WASL: variants seen among roughly 807,000 people sequenced by gnomAD.
The protein encoded by WASL is actin nucleation-promoting factor WASL.
Under a neutral mutation model 55.5 loss-of-function variants are expected in WASL, and 20 were observed. The ratio of observed to expected loss-of-function variants is 0.36; its 90% CI spans 0.25 to 0.52. The LOEUF (loss-of-function observed/expected upper bound fraction) is 0.52, where lower values mean the gene tolerates loss of function less well. Among genes scored for constraint, WASL ranks in the 20% least tolerant of loss-of-function variants. The pLI, the probability that WASL is intolerant of heterozygous loss-of-function variation, is 0.92. For synonymous variants in WASL, 249 were observed against 217.6 expected (o/e 1.14, Z -1.27); for missense variants, 504 against 622.5 (o/e 0.81, Z 2.03).
intron 1 of WASL, among the ~76,000 whole-genome samples, chr7:123,740,859 T>A (rs1207039582): frequency 1.3e-5 from 2 of 152,184 alleles, no homozygotes; most frequent in Non-Finnish European, 2.9e-5. Flanking sequence ...GCGCTGCGAT[T>A]AAAGGTGTGA....
At chr7:123,746,428 T>C (rs73718476) in intron 1 of WASL, among the ~76,000 whole-genome samples, 3,268 of 152,288 alleles carry the variant, frequency 0.021, 139 homozygotes, top group African/African-American at 0.075. Flanking sequence ...TACTGCTGGA[T>C]TTATTATGAG....
chr7:123,696,819 TTAAA>T lies in WASL; in HGVS notation c.461-76_461-73del, dbSNP rs2116774967. On this transcript the variant is annotated intron_variant, in intron 5 of 10. Transcript: ENST00000223023. The stretch of plus-strand genomic sequence containing the variant: ...CTGATATACAATCATAATTTACAAT[TTAAA>T]TACTTTTTCTGAAATAGGATCACTT... The T allele has an allele frequency of 1.3e-5, 14 of 1,051,740 alleles. No individual in the cohort carries two copies. In the South Asian group the frequency reaches 4.4e-4, roughly 33 times the overall value. The allele number at this position is 1,051,740 out of a possible 1,614,324, so 65.2% of individuals were successfully genotyped here. A position where few individuals can be genotyped will look rare whatever the true frequency, so the allele number is the denominator to read the frequency against.
intron 10 of WASL, among the ~76,000 whole-genome samples, chr7:123,686,495 C>T (rs560923041): frequency 6.6e-6 from 1 of 151,896 alleles, no homozygotes; most frequent in Non-Finnish European, 1.5e-5. Flanking sequence ...CACAGAAATA[C>T]TAACAGTTAA....
intron 1 of WASL, chr7:123,720,291 C>G (rs555320904): frequency 4.7e-6 from 2 of 422,894 alleles, no homozygotes; most frequent in African/African-American, 4.3e-5. Context: ...GAAAAATACA[C>G]ACTCATTAAA....
intron 1 of WASL, among the ~76,000 whole-genome samples, chr7:123,713,497 G>A: frequency 6.6e-6 from 1 of 152,066 alleles, no homozygotes; most frequent in Middle Eastern, 3.2e-3. Flanking sequence ...TAAATGTGGG[G>A]GGAAATCATA....
At chr7:123,685,280 C>T (rs1418837075) in intron 10 of WASL, among the ~76,000 whole-genome samples, 1 of 151,890 alleles carries the variant, frequency 6.6e-6, no homozygotes, top group Non-Finnish European at 1.5e-5. Context: ...ATGCTACCTC[C>T]CTCCATAAGA....
chr7:123,746,886 C>T (rs1285537994), intron 1 of WASL, among the ~76,000 whole-genome samples: 1 of 152,196 alleles, frequency 6.6e-6, no homozygotes, highest in Non-Finnish European at 1.5e-5. Flanking sequence ...ATGTAGAACA[C>T]AGCACAACTA....
intron 10 of WASL, among the ~76,000 whole-genome samples, chr7:123,687,620 CT>C (rs775118187): frequency 2.7e-4 from 41 of 152,136 alleles, no homozygotes; most frequent in Non-Finnish European, 3.4e-4. Context: ...AGTCTGCCCC[CT>C]ATTTCCCTTT....
Position 123,682,986 on chromosome 7 carries a change from T to C in WASL, c.*1533A>G, listed in dbSNP as rs1478802022. The C allele has an allele frequency of 4.0e-5, 6 of 151,698 alleles. No individual in the cohort carries two copies. The East Asian group carries it at 1.2e-3, about 29-fold the overall frequency. 9.4% of individuals were successfully genotyped at this position (151,698 alleles called of 1,614,324 possible). ...CTTTTAAATTATTTCTTATGATAAC[T>C]AGATGCATGATCACTAGAGATTATG... On this transcript the variant is annotated 3_prime_UTR_variant, in exon 11 of 11. Transcript: ENST00000223023.
intron 2 of WASL, among the ~76,000 whole-genome samples, chr7:123,708,554 G>A (rs1011804728): frequency 6.6e-6 from 1 of 152,086 alleles, no homozygotes; most frequent in African/African-American, 2.4e-5. Context: ...CTATAACAAT[G>A]TGATTTATGA....
At position 123,684,509 on chromosome 7, in the gene WASL, A is replaced by C; in HGVS notation, c.*10T>G. The C allele has an allele frequency of 1.5e-6, 1 of 650,448 alleles. No individual in the cohort carries two copies. Among genetic ancestry groups the C allele is most frequent in the Non-Finnish European group, 2.6e-6 (1 of 391,952 alleles). 40.3% of individuals were successfully genotyped at this position (650,448 alleles called of 1,614,324 possible). On this transcript the variant is annotated 3_prime_UTR_variant, in exon 11 of 11. Coordinates refer to ENST00000223023, the MANE Select transcript of WASL (RefSeq NM_003941.4). The stretch of plus-strand genomic sequence containing the variant: ...ACCTTAAAAATATATATATATATAT[A>C]ATATATAGATCAGTCTTCCCACTCA...
At position 123,695,882 on chromosome 7, in the gene WASL, A is replaced by G. The variant is rs770816077; in HGVS notation, c.630-17T>C. 8.7e-6 allele frequency: 14 copies of G among 1,605,470 alleles called. No homozygotes were observed. Among genetic ancestry groups the G allele is most frequent in the Non-Finnish European group, 1.2e-5 (14 of 1,173,806 alleles). On this transcript the variant is annotated splice_polypyrimidine_tract_variant and intron_variant, in intron 6 of 10. Transcript: ENST00000223023. ...CCAATGTGCCTGAAGTAGAAAATAG[A>G]AAAAAAATAGAAAAACAAAATGCAT... is the stretch of plus-strand genomic sequence containing the variant.
At chr7:123,739,012 C>T (rs1312810037) in intron 1 of WASL, among the ~76,000 whole-genome samples, 1 of 152,138 alleles carries the variant, frequency 6.6e-6, no homozygotes, top group African/African-American at 2.4e-5. Flanking sequence ...GAAGCTGCCA[C>T]AATTCCAGGT....
chr7:123,740,013 G>C (rs2116825833), intron 1 of WASL, among the ~76,000 whole-genome samples: 1 of 151,510 alleles, frequency 6.6e-6, no homozygotes, highest in South Asian at 2.1e-4. Flanking sequence ...GTAAAACCTG[G>C]ATTTTCCTTA....
chr7:123,747,942 T>C (rs542015022), intron 1 of WASL, among the ~76,000 whole-genome samples: 12 of 151,736 alleles, frequency 7.9e-5, no homozygotes, highest in Admixed American at 5.2e-4. Context: ...TCCCTGCGCA[T>C]GGCTGCGGGG....
chr7:123,700,194 A>AC (rs1336319686), intron 5 of WASL, among the ~76,000 whole-genome samples: 34 of 148,880 alleles, frequency 2.3e-4, no homozygotes, highest in Admixed American at 1.2e-3. Context: ...AAAAAAAAAA[A>AC]AAAAAAAAAA....
chr7:123,683,893 A>G lies in WASL; in HGVS notation c.*626T>C, dbSNP rs1183600986. ...GTCTGCAAATACCACTGCTATACCA[A>G]TAACAGGCAGTATTACTGTAAGAGG... is the stretch of plus-strand genomic sequence containing the variant. On this transcript the variant is annotated 3_prime_UTR_variant, in exon 11 of 11. Transcript: ENST00000223023. The G allele has an allele frequency of 1.3e-5, 2 of 152,076 alleles. No homozygotes were observed. The highest frequency in any genetic ancestry group is 6.6e-5 in the Admixed American group (1 of 15,246). 9.4% of individuals were successfully genotyped at this position (152,076 alleles called of 1,614,324 possible). A position where few individuals can be genotyped will look rare whatever the true frequency, so the allele number is the denominator to read the frequency against.
intron 1 of WASL, among the ~76,000 whole-genome samples, chr7:123,748,204 C>A (rs1804472168): frequency 6.6e-6 from 1 of 152,068 alleles, no homozygotes. Flanking sequence ...TCAAACCTGG[C>A]ATTGTTAAGG....
intron 1 of WASL, among the ~76,000 whole-genome samples, chr7:123,741,578 A>G (rs1804343073): frequency 6.6e-6 from 1 of 152,206 alleles, no homozygotes; most frequent in Admixed American, 6.5e-5. Flanking sequence ...AACAAAGTTC[A>G]ACCCTTATCT....
Sources: gnomAD v4.1 joint callset for allele counts (sites outside exome capture counted in the v4.1 genomes callset) on GRCh38, gnomAD v4.1.1 for gene constraint, MANE v1.5 for transcripts, NCBI Gene and HGNC (gene_info 2026-07-23, HGNC 2026-07-21) for gene names.